PXDNL: variants seen among roughly 807,000 people sequenced by gnomAD.
PXDNL encodes the protein peroxidasin like.
A neutral mutation model predicts 150.8 loss-of-function variants in PXDNL; 145 were observed. The observed-to-expected ratio is 0.96, with a 90% CI of 0.84 to 1.10. The LOEUF is 1.10. PXDNL is among the 50% of genes least tolerant of loss of function. The pLI is 0.00. For synonymous variants in PXDNL, 757 were observed against 725.7 expected (o/e 1.04, Z -0.69); for missense variants, 2,087 against 1,873.9 (o/e 1.11, Z -2.10).
chr8:51,788,284 C>A (rs2037478823), intron 1 of PXDNL, among the ~76,000 whole-genome samples: 1 of 152,256 alleles, frequency 6.6e-6, no homozygotes, highest in Non-Finnish European at 1.5e-5. Flanking sequence ...AGGAGATATT[C>A]CTCCTCTGGA....
At chr8:51,320,145 C>CT in intron 22 of PXDNL, 123 bp from the exon 23 acceptor site, 1 of 891,756 alleles carries the variant, frequency 1.1e-6, no homozygotes, top group Non-Finnish European at 1.5e-6. Flanking sequence ...ATAAAAAATG[C>CT]TCATAGTATG....
intron 17 of PXDNL, among the ~76,000 whole-genome samples, chr8:51,386,165 T>C (rs922320407): frequency 7.2e-5 from 11 of 152,022 alleles, no homozygotes; most frequent in Non-Finnish European, 1.3e-4. Context: ...TGATCTCAGC[T>C]CACCACAACC....
intron 4 of PXDNL, among the ~76,000 whole-genome samples, chr8:51,550,139 T>C (rs999749716): frequency 5.3e-5 from 8 of 151,836 alleles, no homozygotes. Context: ...CTGGAAGAAA[T>C]AGAAACTCTG....
At chr8:51,517,210 T>C (rs185546238) in intron 4 of PXDNL, among the ~76,000 whole-genome samples, 126 of 152,244 alleles carry the variant, frequency 8.3e-4, no homozygotes, top group Non-Finnish European at 1.4e-3. Context: ...TCTGATTTCA[T>C]TGGGCTGGGT....
intron 9 of PXDNL, 106 bp downstream of exon 9, chr8:51,457,392 G>A (rs1563420659): frequency 2.2e-6 from 2 of 893,628 alleles, no homozygotes; most frequent in East Asian, 2.9e-5. Context: ...AAAAATCACA[G>A]TCAATGGGAA....
chr8:51,404,260 G>A (rs938214488), intron 17 of PXDNL, among the ~76,000 whole-genome samples: 1 of 152,234 alleles, frequency 6.6e-6, no homozygotes, highest in African/African-American at 2.4e-5. Flanking sequence ...GCCACTGTTG[G>A]CTCAGGCAGC....
chr8:51,445,082 G>A lies in PXDNL; in HGVS notation c.1525+1922C>T, dbSNP rs553987620. Reference sequence around the variant, plus strand: ...CTACAGGCACATGCCACCATGCCTGGCTAATTTTTGTATTTTTAGTAGAGA... The same window carrying A: ...CTACAGGCACATGCCACCATGCCTGACTAATTTTTGTATTTTTAGTAGAGA... On this transcript the variant is annotated intron_variant, in intron 12 of 22. Coordinates refer to ENST00000356297, the MANE Select transcript of PXDNL (RefSeq NM_144651.5). Among the ~76,000 whole-genome samples the A allele has an allele frequency of 2.6e-5, 4 of 151,908 alleles. No individual in the cohort carries two copies. The East Asian group carries it at 5.8e-4, about 22-fold the overall frequency.
intron 5 of PXDNL, among the ~76,000 whole-genome samples, chr8:51,492,746 C>T (rs953066982): frequency 8.5e-5 from 13 of 152,280 alleles, no homozygotes; most frequent in African/African-American, 2.9e-4. Flanking sequence ...GGGGCGCCTG[C>T]GATTGCCCAG....
intron 18 of PXDNL, 27 bp from the exon 19 acceptor site, chr8:51,372,108 T>C: frequency 1.3e-6 from 2 of 1,498,626 alleles, no homozygotes; most frequent in Non-Finnish European, 1.8e-6. Context: ...AAAAAAACAT[T>C]GTCGTGGGTC....
intron 1 of PXDNL, among the ~76,000 whole-genome samples, chr8:51,719,244 G>A (rs1816679194): frequency 6.6e-6 from 1 of 152,212 alleles, no homozygotes; most frequent in African/African-American, 2.4e-5. Context: ...GATTGTTGCT[G>A]TGTCTGTGTA....
chr8:51,529,046 A>G (rs1266279472), intron 4 of PXDNL, among the ~76,000 whole-genome samples: 1 of 152,252 alleles, frequency 6.6e-6, no homozygotes, highest in African/African-American at 2.4e-5. Context: ...ACAAATCTGT[A>G]TATTGTTATA....
chr8:51,737,500 C>A (rs1406706733), intron 1 of PXDNL, among the ~76,000 whole-genome samples: 1 of 152,202 alleles, frequency 6.6e-6, no homozygotes, highest in African/African-American at 2.4e-5. Flanking sequence ...GAATGAGCAC[C>A]CTGCTCCAGG....
At chr8:51,492,678 C>T (rs1334472520) in intron 5 of PXDNL, among the ~76,000 whole-genome samples, 1 of 152,174 alleles carries the variant, frequency 6.6e-6, no homozygotes, top group South Asian at 2.1e-4. Context: ...CGGAGCCTCT[C>T]TCATTGCTAG....
intron 12 of PXDNL, among the ~76,000 whole-genome samples, chr8:51,437,410 C>A (rs1340812874): frequency 6.6e-6 from 1 of 152,014 alleles, no homozygotes; most frequent in Non-Finnish European, 1.5e-5. Context: ...GACCAATATC[C>A]CTGATGAATA....
Position 51,374,715 on chromosome 8 carries a change from C to T in PXDNL, c.3574G>A (p.Gly1192Ser). 1.2e-6 allele frequency: 2 copies of T among 1,613,860 alleles called. No homozygotes were observed. Among genetic ancestry groups the T allele is most frequent in the Non-Finnish European group, 1.7e-6 (2 of 1,179,838 alleles). The change falls in exon 18 of 23, where the codon GGT becomes AGT. Residue 1192 changes from glycine to serine, a missense_variant. By Grantham distance (56) the Gly-to-Ser change is moderately conservative. Coordinates refer to ENST00000356297, the MANE Select transcript of PXDNL (RefSeq NM_144651.5). The part of the protein sequence containing the change: ...QKLRKLYGSP[G>S]DIDLWPALMV... ...AGGGCGGGCCAGAGGTCAATGTCACCTGGAGAGCCGTACAACCTGGAACAG... is the reference window on the plus strand; with the variant it reads ...AGGGCGGGCCAGAGGTCAATGTCACTTGGAGAGCCGTACAACCTGGAACAG...
At position 51,553,602 on chromosome 8, in the gene PXDNL, T is replaced by A. The variant is rs188823481; in HGVS notation, c.380+3238A>T. On this transcript the variant is annotated intron_variant, in intron 4 of 22. Coordinates refer to ENST00000356297, the MANE Select transcript of PXDNL (RefSeq NM_144651.5). The stretch of plus-strand genomic sequence containing the variant: ...TGAAAACATGAAATGAGTGTGTTAC[T>A]TCAAAGATGCATTGTGAGCTCCTTT... 1.7e-3 allele frequency among the ~76,000 whole-genome samples: 258 copies of A among 152,202 alleles called. 3 individuals carry two copies. Among genetic ancestry groups the A allele is most frequent in the Non-Finnish European group, 5.9e-4 (40 of 68,000 alleles).
chr8:51,397,567 G>C (rs574812223), intron 17 of PXDNL, among the ~76,000 whole-genome samples: 10 of 152,250 alleles, frequency 6.6e-5, no homozygotes, highest in African/African-American at 2.4e-4. Context: ...TATGGAGGTT[G>C]CACACATAAA....
At chr8:51,436,394 T>C in intron 12 of PXDNL, 1 of 419,402 alleles carries the variant, frequency 2.4e-6, no homozygotes, top group South Asian at 1.9e-5. Flanking sequence ...GCACCAAAAA[T>C]GCATTGCCAT....
intron 1 of PXDNL, among the ~76,000 whole-genome samples, chr8:51,743,109 T>A (rs2036924494): frequency 6.6e-6 from 1 of 151,646 alleles, no homozygotes; most frequent in African/African-American, 2.4e-5. Context: ...TATTTTGCCA[T>A]CTCATTAAAT....
Sources: allele counts gnomAD v4.1 joint callset (sites outside exome capture counted in the v4.1 genomes callset), GRCh38; gene constraint gnomAD v4.1.1; transcripts MANE v1.5; gene names NCBI Gene and HGNC (gene_info 2026-07-23, HGNC 2026-07-21).